The following TNRC18 variants were observed in gnomAD, a reference collection of about 807,000 sequenced individuals.
The protein encoded by TNRC18 is trinucleotide repeat containing 18.
In TNRC18, 69 loss-of-function variants were observed where a neutral mutation model predicts 226.7. That is an observed-to-expected ratio of 0.30 (90% CI 0.25 to 0.37). TNRC18 has a LOEUF of 0.37. Among genes scored for constraint, TNRC18 ranks in the 10% least tolerant of loss-of-function variants. The pLI, the probability that TNRC18 is intolerant of heterozygous loss-of-function variation, is 1.00. For synonymous variants in TNRC18, 2,449 were observed against 1,927.6 expected (o/e 1.27, Z -7.09); for missense variants, 4,754 against 4,256.6 (o/e 1.12, Z -3.25).
At chr7:5,340,939 C>G (rs1370229816) in intron 18 of TNRC18, among the ~76,000 whole-genome samples, 3 of 152,120 alleles carry the variant, frequency 2.0e-5, no homozygotes, top group Non-Finnish European at 4.4e-5. Context: ...CCATCTAAGG[C>G]TATCATAGCT....
intron 22 of TNRC18, 153 bp from the exon 23 acceptor site, chr7:5,320,760 T>C: frequency 2.9e-6 from 2 of 688,938 alleles, no homozygotes; most frequent in Non-Finnish European, 5.0e-6. Flanking sequence ...TTCTCCCCCT[T>C]TTCTGGGTTC....
chr7:5,337,122 G>T lies in TNRC18; in HGVS notation c.5720-4073C>A, dbSNP rs535917889. ...GACAAAGATAAACACGAACCCCCAGGAACAACAAGAAAAATGTAACCTATC... is the reference window on the plus strand; with the variant it reads ...GACAAAGATAAACACGAACCCCCAGTAACAACAAGAAAAATGTAACCTATC... On this transcript the variant is annotated intron_variant, in intron 18 of 29. Coordinates refer to ENST00000430969, the MANE Select transcript of TNRC18 (RefSeq NM_001080495.3). Among the ~76,000 whole-genome samples, 6 of 151,844 alleles carry T rather than the reference G, an allele frequency of 4.0e-5. No homozygotes were observed. In the South Asian group the frequency reaches 1.2e-3, roughly 32 times the overall value.
chr7:5,370,850 C>A lies in TNRC18; in HGVS notation c.3744G>T (p.Gln1248His), dbSNP rs547535345. The A allele has an allele frequency of 1.9e-6, 3 of 1,609,142 alleles. No homozygotes were observed. The highest frequency in any genetic ancestry group is 2.5e-6 in the Non-Finnish European group (3 of 1,179,672). ...PCTAALDLGV[Q>H]LTPETLVEAK... ...CCTCCACCAGTGTCTCGGGTGTCAG[C>A]TGCACCCCCAGGTCCAGGGCGGCGG... The change falls in exon 11 of 30, where the codon CAG becomes CAT. Residue 1248 changes from glutamine (Q) to histidine (H), a missense_variant. Gln to His is a conservative substitution (Grantham distance 24, BLOSUM62 0). Coordinates refer to ENST00000430969, the MANE Select transcript of TNRC18 (RefSeq NM_001080495.3).
At chr7:5,345,858 G>C in intron 17 of TNRC18, 48 bp from the exon 18 acceptor site, 2 of 1,506,350 alleles carry the variant, frequency 1.3e-6, no homozygotes, top group South Asian at 2.5e-5. Flanking sequence ...GCCTTGGCGA[G>C]GGCCACCCCC....
rs568571661 is a variant in TNRC18, at chr7:5,314,851, G to C, written c.7027+133C>G. ...GCCTCCCAAAGCGCTGGGATTACAG[G>C]TGTGAGGCACTGCACCCGGCTCAGA... On this transcript the variant is annotated intron_variant, in intron 26 of 29. Coordinates refer to ENST00000430969, the MANE Select transcript of TNRC18 (RefSeq NM_001080495.3). 7.3e-5 allele frequency: 72 copies of C among 987,026 alleles called. 1 individual carries two copies. The East Asian group carries it at 1.4e-3, about 19-fold the overall frequency. 61.1% of individuals were successfully genotyped at this position (987,026 alleles called of 1,614,324 possible). A position where few individuals can be genotyped will look rare whatever the true frequency, so the allele number is the denominator to read the frequency against.
intron 17 of TNRC18, among the ~76,000 whole-genome samples, chr7:5,349,225 G>A (rs1030588833): frequency 6.6e-6 from 1 of 152,158 alleles, no homozygotes; most frequent in Non-Finnish European, 1.5e-5. Context: ...GGCCACACCC[G>A]CTGCTCCTGC....
chr7:5,373,199 C>G (rs1249215134), intron 10 of TNRC18, among the ~76,000 whole-genome samples: 1 of 152,114 alleles, frequency 6.6e-6, no homozygotes, highest in African/African-American at 2.4e-5. Context: ...TGATGCGTGC[C>G]TATGGTCCCA....
intron 2 of TNRC18, among the ~76,000 whole-genome samples, chr7:5,418,877 C>T (rs1317921182): frequency 6.6e-6 from 1 of 152,224 alleles, no homozygotes; most frequent in African/African-American, 2.4e-5. Flanking sequence ...TTAGCACGGG[C>T]TTGGCTCTGG....
At chr7:5,405,864 G>A (rs761417431) in intron 2 of TNRC18, among the ~76,000 whole-genome samples, 9 of 152,194 alleles carry the variant, frequency 5.9e-5, no homozygotes, top group African/African-American at 1.4e-4. Context: ...AGGAGTTTGA[G>A]ACCAGTCTCG....
At position 5,370,895 on chromosome 7, in the gene TNRC18, C is replaced by A. The variant is rs754561864; in HGVS notation, c.3699G>T (p.Pro1233=). ...VEGPEPRVDS[P]GRTEPCTAAL... is the part of the protein sequence containing the mutation. ...CGGCGGTGCAGGGTTCTGTCCGGCCCGGGGAATCCACCCGTGGTTCAGGCC... is the reference window on the plus strand; with the variant it reads ...CGGCGGTGCAGGGTTCTGTCCGGCCAGGGGAATCCACCCGTGGTTCAGGCC... The change falls in exon 11 of 30, where the codon CCG becomes CCT. Residue 1233 remains proline (P), a synonymous_variant. Transcript: ENST00000430969. 7 of 1,606,552 alleles carry A rather than the reference C, an allele frequency of 4.4e-6. No homozygotes were observed. Among genetic ancestry groups the A allele is most frequent in the Admixed American group, 1.7e-5 (1 of 59,992 alleles).
Position 5,345,547 on chromosome 7 carries a change from C to CCCCCCCCCCCCCCCCCCT in TNRC18, c.5719+14_5719+15insAGGGGGGGGGGGGGGGGG. On this transcript the variant is annotated intron_variant, in intron 18 of 29. Transcript: ENST00000430969. The stretch of plus-strand genomic sequence containing the variant: ...TCCCACCCACCCCCACCGCAGCCCA[C>CCCCCCCCCCCCCCCCCCT]CTGCTGCCACTTACCCAGCAGGCTC... 6.9e-7 allele frequency: 1 copy of CCCCCCCCCCCCCCCCCCT among 1,447,874 alleles called. No homozygotes were observed. The highest frequency in any genetic ancestry group is 9.1e-7 in the Non-Finnish European group (1 of 1,093,262). 89.7% of individuals were successfully genotyped at this position (1,447,874 alleles called of 1,614,324 possible). A position where few individuals can be genotyped will look rare whatever the true frequency, so the allele number is the denominator to read the frequency against.
chr7:5,334,904 A>G (rs1789929959), intron 18 of TNRC18, among the ~76,000 whole-genome samples: 1 of 152,166 alleles, frequency 6.6e-6, no homozygotes, highest in Non-Finnish European at 1.5e-5. Context: ...TTCTTGGCAC[A>G]CACAGCAGGG....
chr7:5,388,627 G>A lies in TNRC18; in HGVS notation c.1197C>T (p.Ala399=). ...QIASQARDAR[A]REREAGRPGV... ...CTGGCCTGCCAGCCTCGCGCTCGCG[G>A]GCCCGGGCATCGCGCGCCTGGGATG... Residue 399 remains alanine, a synonymous_variant, in exon 5 of 30, where the codon GCC becomes GCT. Transcript: ENST00000430969. 1 of 1,280,544 alleles carries A rather than the reference G, an allele frequency of 7.8e-7. No individual in the cohort carries two copies. The highest frequency in any genetic ancestry group is 1.6e-5 in the African/African-American group (1 of 62,828). 79.3% of individuals were successfully genotyped at this position (1,280,544 alleles called of 1,614,324 possible).
intron 12 of TNRC18, among the ~76,000 whole-genome samples, 143 bp downstream of exon 12, chr7:5,362,498 CCACACAGCA>C (rs552358605): frequency 1.3e-4 from 20 of 152,214 alleles, no homozygotes; most frequent in African/African-American, 4.6e-4. Flanking sequence ...TTGACTGGGA[CCACACAGCA>C]CATCAGCACA....
At chr7:5,414,984 G>A (rs1782085445) in intron 2 of TNRC18, among the ~76,000 whole-genome samples, 1 of 152,144 alleles carries the variant, frequency 6.6e-6, no homozygotes, top group South Asian at 2.1e-4. Flanking sequence ...TGCCTTGCAT[G>A]CCATTGACAT....
At chr7:5,381,365 CAT>C (rs757020897) in intron 5 of TNRC18, among the ~76,000 whole-genome samples, 2 of 152,140 alleles carry the variant, frequency 1.3e-5, no homozygotes, top group Non-Finnish European at 2.9e-5. Flanking sequence ...CCTCTCTGCA[CAT>C]GTCACACTTG....
rs376889645 is a variant in TNRC18 at position 5,352,047 on chromosome 7, C to T, written c.5242G>A (p.Ala1748Thr). 36 of 1,612,818 alleles carry T rather than the reference C, an allele frequency of 2.2e-5. No homozygotes were observed. Among genetic ancestry groups the T allele is most frequent in the Non-Finnish European group, 2.6e-5 (31 of 1,179,532 alleles). Residue 1748 changes from alanine to threonine, a missense_variant, in exon 17 of 30, where the codon GCC (alanine) becomes ACC (threonine). Physicochemically the swap from Ala to Thr is moderately conservative, Grantham distance 58. Coordinates refer to ENST00000430969, the MANE Select transcript of TNRC18 (RefSeq NM_001080495.3). ...DEEFLKDEWPAQGPSSSKLTP... is the reference protein window; with the variant it reads ...DEEFLKDEWPTQGPSSSKLTP... ...AGTTTGGAGCTGGAGGGGCCTTGGGCGGGCCACTCGTCCTTCAGGAATTCT... is the reference window on the plus strand; with the variant it reads ...AGTTTGGAGCTGGAGGGGCCTTGGGTGGGCCACTCGTCCTTCAGGAATTCT...
chr7:5,339,016 G>T (rs1264216403), intron 18 of TNRC18, among the ~76,000 whole-genome samples: 1 of 148,418 alleles, frequency 6.7e-6, no homozygotes, highest in Non-Finnish European at 1.5e-5. Context: ...TACTAGACAA[G>T]GCCAGGCACA....
chr7:5,345,526 A>ACCACCC, intron 18 of TNRC18, 36 bp downstream of exon 18: 1 of 177,498 alleles, frequency 5.6e-6, no homozygotes, highest in Non-Finnish European at 1.1e-5. Flanking sequence ...CGCCCCTCCC[A>ACCACCC]CCCACCCCCA....
Sources: gnomAD v4.1 joint callset for allele counts (sites outside exome capture counted in the v4.1 genomes callset) on GRCh38, gnomAD v4.1.1 for gene constraint, MANE v1.5 for transcripts, NCBI Gene and HGNC (gene_info 2026-07-23, HGNC 2026-07-21) for gene names.